The following FLVCR2 variants were observed in gnomAD, a reference collection of about 807,000 sequenced individuals.
FLVCR2 encodes the protein FLVCR choline and putative heme transporter 2, also known as choline/ethanolamine transporter FLVCR2.
In FLVCR2, 38 loss-of-function variants were observed where a neutral mutation model predicts 48.9. The observed-to-expected ratio is 0.78, with a 90% CI of 0.60 to 1.02. FLVCR2 has a LOEUF of 1.02. FLVCR2 is among the 50% of genes least tolerant of loss of function. The probability of loss-of-function intolerance (pLI) is 0.00; values close to 1 mark genes in which losing one functional copy is unlikely to be tolerated. For missense variants in FLVCR2, 664 were observed against 663.3 expected, an observed-to-expected ratio of 1.00 and a Z score of -0.01; for synonymous variants, 255 against 257.0, an observed-to-expected ratio of 0.99 and a Z score of 0.07.
chr14:75,591,499 G>T (rs1022858020), intron 1 of FLVCR2, among the ~76,000 whole-genome samples: 5 of 152,224 alleles, frequency 3.3e-5, no homozygotes, highest in African/African-American at 1.2e-4. Context: ...GTACTCACAG[G>T]TTGGAATCAC....
At chr14:75,607,983 T>C (rs906732078) in intron 1 of FLVCR2, among the ~76,000 whole-genome samples, 9 of 152,100 alleles carry the variant, frequency 5.9e-5, no homozygotes, top group African/African-American at 2.2e-4. Context: ...CTAGAGAGGA[T>C]CACTTGAGCC....
intron 1 of FLVCR2, among the ~76,000 whole-genome samples, chr14:75,620,879 A>G (rs1202986153): frequency 6.6e-6 from 1 of 152,204 alleles, no homozygotes; most frequent in African/African-American, 2.4e-5. Context: ...AGCGAAAGCA[A>G]ATTGTTTCTT....
At position 75,622,005 on chromosome 14, in the gene FLVCR2, G is replaced by A. The variant is rs12100482; in HGVS notation, c.670-74G>A. 325 of 1,457,646 alleles carry A rather than the reference G, an allele frequency of 2.2e-4. 3 individuals are homozygous for A. The African/African-American group carries it at 3.8e-3, about 17-fold the overall frequency. The allele number at this position is 1,457,646 out of a possible 1,614,324, so 90.3% of individuals were successfully genotyped here. The stretch of plus-strand genomic sequence containing the variant: ...AAGTTGGAAATTAGATTTCTTATTA[G>A]GAATCTCTTTACATTTGTGTTGTCA... On this transcript the variant is annotated intron_variant, in intron 1 of 9. Coordinates refer to ENST00000238667, the MANE Select transcript of FLVCR2 (RefSeq NM_017791.3).
At chr14:75,606,741 C>T (rs1368162817) in intron 1 of FLVCR2, among the ~76,000 whole-genome samples, 1 of 152,092 alleles carries the variant, frequency 6.6e-6, no homozygotes, top group African/African-American at 2.4e-5. Context: ...TGCTTGAGTC[C>T]AGGAGTTGGA....
At chr14:75,621,094 C>T (rs1216034979) in intron 1 of FLVCR2, among the ~76,000 whole-genome samples, 1 of 152,116 alleles carries the variant, frequency 6.6e-6, no homozygotes, top group East Asian at 1.9e-4. Context: ...TTTCTGACCT[C>T]GGAAACACCC....
At chr14:75,611,285 G>A (rs1408436693) in intron 1 of FLVCR2, among the ~76,000 whole-genome samples, 3 of 152,224 alleles carry the variant, frequency 2.0e-5, no homozygotes, top group Non-Finnish European at 4.4e-5. Flanking sequence ...TATGAGACTG[G>A]AGGGAGTGTC....
At chr14:75,607,236 G>A (rs1889315529) in intron 1 of FLVCR2, among the ~76,000 whole-genome samples, 1 of 152,166 alleles carries the variant, frequency 6.6e-6, no homozygotes, top group South Asian at 2.1e-4. Flanking sequence ...ATGTGAAACA[G>A]CTCCTGGAAC....
At chr14:75,621,436 G>T (rs1447959895) in intron 1 of FLVCR2, among the ~76,000 whole-genome samples, 1 of 151,122 alleles carries the variant, frequency 6.6e-6, no homozygotes, top group African/African-American at 2.4e-5. Context: ...AAAAAAAAAA[G>T]AAATGGTTTA....
At chr14:75,585,152 C>T (rs950742457) in intron 1 of FLVCR2, among the ~76,000 whole-genome samples, 1 of 151,954 alleles carries the variant, frequency 6.6e-6, no homozygotes, top group Admixed American at 6.6e-5. Flanking sequence ...TCAAAAGACT[C>T]AGAGCTTGGG....
At chr14:75,579,783 T>C in intron 1 of FLVCR2, 142 bp downstream of exon 1, 2 of 951,534 alleles carry the variant, frequency 2.1e-6, no homozygotes, top group African/African-American at 1.6e-5. Context: ...CAGGCAGTGA[T>C]TGTGATGCTG....
At chr14:75,595,094 G>A (rs1021996169) in intron 1 of FLVCR2, among the ~76,000 whole-genome samples, 1 of 152,072 alleles carries the variant, frequency 6.6e-6, no homozygotes, top group African/African-American at 2.4e-5. Context: ...TAGATTCTGG[G>A]GGACACATTC....
At chr14:75,609,202 C>T (rs1027511447) in intron 1 of FLVCR2, among the ~76,000 whole-genome samples, 1 of 152,120 alleles carries the variant, frequency 6.6e-6, no homozygotes, top group African/African-American at 2.4e-5. Context: ...AAGGGAAGGT[C>T]CCTGTTGGCA....
chr14:75,618,628 C>T lies in FLVCR2; in HGVS notation c.670-3451C>T, dbSNP rs575357434. On this transcript the variant is annotated intron_variant, in intron 1 of 9. Coordinates refer to ENST00000238667, the MANE Select transcript of FLVCR2 (RefSeq NM_017791.3). ...AAGATGCCAAATGCTCCATGTGCCC[C>T]GTTCTCCCACATTTTAAATTAATGT... Among the ~76,000 whole-genome samples the T allele has an allele frequency of 3.3e-5, 5 of 152,304 alleles. No individual in the cohort carries two copies. In the East Asian group the frequency reaches 7.7e-4, roughly 24 times the overall value.
chr14:75,602,615 C>A (rs866435715), intron 1 of FLVCR2, among the ~76,000 whole-genome samples: 19 of 152,100 alleles, frequency 1.2e-4, no homozygotes, highest in Admixed American at 6.5e-5. Flanking sequence ...TTTTATTATA[C>A]CACAGTTACC....
At chr14:75,627,419 A>G (rs1294554546) in intron 3 of FLVCR2, among the ~76,000 whole-genome samples, 1 of 152,240 alleles carries the variant, frequency 6.6e-6, no homozygotes, top group Non-Finnish European at 1.5e-5. Context: ...GCTAAATATC[A>G]GTAACAACAG....
chr14:75,614,592 G>T (rs1367595398), intron 1 of FLVCR2, among the ~76,000 whole-genome samples: 2 of 152,218 alleles, frequency 1.3e-5, no homozygotes, highest in African/African-American at 2.4e-5. Flanking sequence ...GTTCAATCTG[G>T]CTGGAATATA....
intron 9 of FLVCR2, among the ~76,000 whole-genome samples, chr14:75,646,165 G>A (rs1389932411): frequency 6.6e-6 from 1 of 152,182 alleles, no homozygotes; most frequent in Non-Finnish European, 1.5e-5. Context: ...ATCATAGAAA[G>A]CTTGCCCCTT....
At chr14:75,624,325 C>A (rs780660880) in intron 2 of FLVCR2, among the ~76,000 whole-genome samples, 7 of 151,802 alleles carry the variant, frequency 4.6e-5, no homozygotes, top group Non-Finnish European at 8.8e-5. Context: ...ATGGCGCCAG[C>A]CTGGGTGACA....
chr14:75,608,284 C>T (rs1889349133), intron 1 of FLVCR2, among the ~76,000 whole-genome samples: 1 of 152,182 alleles, frequency 6.6e-6, no homozygotes, highest in Non-Finnish European at 1.5e-5. Context: ...GCCTTCCTCT[C>T]ATCGGCAAAG....
Sources: gnomAD v4.1 joint callset for allele counts (sites outside exome capture counted in the v4.1 genomes callset) on GRCh38, gnomAD v4.1.1 for gene constraint, MANE v1.5 for transcripts, NCBI Gene and HGNC (gene_info 2026-07-23, HGNC 2026-07-21) for gene names.